ADAM23: variants seen among roughly 807,000 people sequenced by gnomAD.
ADAM23 encodes the protein disintegrin and metalloproteinase domain-containing protein 23.
ADAM23 carries 33 observed loss-of-function variants against 120.1 expected under a neutral mutation model. The observed-to-expected ratio is 0.27, with a 90% CI of 0.21 to 0.37. ADAM23 has a LOEUF of 0.37. Ranked by LOEUF, ADAM23 falls within the 10% of genes least tolerant of loss-of-function variation. ADAM23 has a pLI of 1.00. For missense variants in ADAM23, 862 were observed against 1,058.2 expected (o/e 0.81, Z 2.57); for synonymous variants, 367 against 375.2 (o/e 0.98, Z 0.25).
chr2:206,546,148 C>T (rs894998283), intron 6 of ADAM23, among the ~76,000 whole-genome samples: 2 of 152,150 alleles, frequency 1.3e-5, no homozygotes, highest in African/African-American at 4.8e-5. Flanking sequence ...CTTCTCTTTG[C>T]CTTCCTTCCT....
chr2:206,518,577 C>T (rs888095167), intron 3 of ADAM23, among the ~76,000 whole-genome samples: 1 of 152,052 alleles, frequency 6.6e-6, no homozygotes, highest in Non-Finnish European at 1.5e-5. Context: ...ATTGTGTTGT[C>T]TGATTTTCAG....
intron 15 of ADAM23, among the ~76,000 whole-genome samples, chr2:206,569,480 T>TTG (rs1697953912): frequency 6.6e-6 from 1 of 152,146 alleles, no homozygotes; most frequent in Non-Finnish European, 1.5e-5. Context: ...TATGCATGTG[T>TTG]TGTGTGTGTA....
intron 2 of ADAM23, among the ~76,000 whole-genome samples, chr2:206,449,916 G>C (rs1463574292): frequency 1.3e-5 from 2 of 152,158 alleles, no homozygotes; most frequent in Admixed American, 1.3e-4. Context: ...GACCTGTGTG[G>C]CTCAGTCTTT....
chr2:206,498,197 A>G (rs1311849988), intron 3 of ADAM23, among the ~76,000 whole-genome samples: 1 of 152,226 alleles, frequency 6.6e-6, no homozygotes, highest in African/African-American at 2.4e-5. Context: ...TGCCAAGTCA[A>G]TCCTAAGCCA....
chr2:206,551,708 A>C (rs1007949449), intron 9 of ADAM23, among the ~76,000 whole-genome samples: 22 of 152,208 alleles, frequency 1.4e-4, no homozygotes, highest in Non-Finnish European at 2.6e-4. Context: ...AGAAATTTAA[A>C]AAAATAGTGA....
chr2:206,477,593 C>T (rs1267536566), intron 2 of ADAM23, among the ~76,000 whole-genome samples: 1 of 151,998 alleles, frequency 6.6e-6, no homozygotes, highest in Admixed American at 6.6e-5. Flanking sequence ...CTGATTATGA[C>T]CTAATATGTG....
chr2:206,449,796 T>C (rs1305526994), intron 2 of ADAM23, among the ~76,000 whole-genome samples: 1 of 152,056 alleles, frequency 6.6e-6, no homozygotes, highest in Non-Finnish European at 1.5e-5. Context: ...CCTAAAAAAC[T>C]ACTTGTCCTA....
chr2:206,454,783 A>C (rs1695261972), intron 2 of ADAM23, among the ~76,000 whole-genome samples: 1 of 152,366 alleles, frequency 6.6e-6, no homozygotes, highest in Non-Finnish European at 1.5e-5. Flanking sequence ...CAGTCACTAA[A>C]TCTTAAAGCT....
intron 24 of ADAM23, among the ~76,000 whole-genome samples, chr2:206,604,285 A>G (rs2105860052): frequency 6.6e-6 from 1 of 152,290 alleles, no homozygotes; most frequent in Non-Finnish European, 1.5e-5. Flanking sequence ...AAAAAAGAAA[A>G]AAAAGTTATA....
intron 9 of ADAM23, among the ~76,000 whole-genome samples, chr2:206,554,665 C>G (rs1697604663): frequency 6.6e-6 from 1 of 152,106 alleles, no homozygotes; most frequent in Non-Finnish European, 1.5e-5. Context: ...AGCTTACCTC[C>G]TCCCTCAACC....
At chr2:206,578,587 T>A (rs2105837894) in intron 18 of ADAM23, among the ~76,000 whole-genome samples, 1 of 152,160 alleles carries the variant, frequency 6.6e-6, no homozygotes, top group African/African-American at 2.4e-5. Context: ...TGTATGTACA[T>A]ACACACACAC....
intron 3 of ADAM23, among the ~76,000 whole-genome samples, chr2:206,505,771 C>T (rs539905579): frequency 2.0e-5 from 3 of 152,224 alleles, no homozygotes; most frequent in South Asian, 2.1e-4. Flanking sequence ...TTATTATCCC[C>T]GTTTGCAGAT....
At chr2:206,498,028 A>G (rs1490420348) in intron 3 of ADAM23, among the ~76,000 whole-genome samples, 1 of 152,228 alleles carries the variant, frequency 6.6e-6, no homozygotes. Context: ...AGAACACTCC[A>G]TGCTCATGGG....
chr2:206,587,211 T>C (rs1348889404), intron 18 of ADAM23, 114 bp from the exon 19 acceptor site: 13 of 694,358 alleles, frequency 1.9e-5, no homozygotes, highest in Non-Finnish European at 2.9e-5. Flanking sequence ...TGCATGTGTT[T>C]TTCTCAATGT....
intron 1 of ADAM23, among the ~76,000 whole-genome samples, chr2:206,444,635 A>G (rs1695038243): frequency 6.6e-6 from 1 of 152,190 alleles, no homozygotes. Context: ...TGAACAATTA[A>G]TATAATACCA....
At chr2:206,534,915 T>C (rs1027036179) in intron 4 of ADAM23, among the ~76,000 whole-genome samples, 17 of 152,054 alleles carry the variant, frequency 1.1e-4, no homozygotes, top group Non-Finnish European at 1.8e-4. Context: ...GCGGCTTGAC[T>C]GCTGGGAAAG....
intron 3 of ADAM23, among the ~76,000 whole-genome samples, chr2:206,528,184 A>G (rs1012822465): frequency 1.5e-4 from 23 of 152,166 alleles, no homozygotes; most frequent in Middle Eastern, 6.8e-3. Context: ...AGTTAGGGAG[A>G]CCTCTCTGCC....
chr2:206,536,036 C>A (rs1697165580), intron 4 of ADAM23, among the ~76,000 whole-genome samples: 1 of 152,286 alleles, frequency 6.6e-6, no homozygotes, highest in East Asian at 1.9e-4. Flanking sequence ...TATTTACCCA[C>A]CCTCTTCATC....
At chr2:206,463,196 A>G (rs146857811) in intron 2 of ADAM23, among the ~76,000 whole-genome samples, 4 of 152,340 alleles carry the variant, frequency 2.6e-5, no homozygotes, top group Non-Finnish European at 5.9e-5. Context: ...CTTTGTAGAT[A>G]TGACTAAATT....
Sources: allele counts gnomAD v4.1 joint callset (sites outside exome capture counted in the v4.1 genomes callset), GRCh38; gene constraint gnomAD v4.1.1; transcripts MANE v1.5; gene names NCBI Gene and HGNC (gene_info 2026-07-23, HGNC 2026-07-21).